The following DLG1 variants were observed in gnomAD, a reference collection of about 807,000 sequenced individuals.
DLG1 encodes the protein discs large MAGUK scaffold protein 1.
Under a neutral mutation model 123.4 loss-of-function variants are expected in DLG1, and 42 were observed. The observed-to-expected ratio is 0.34, with a 90% CI of 0.27 to 0.44. DLG1 has a LOEUF of 0.44. Among genes scored for constraint, DLG1 ranks in the 20% least tolerant of loss-of-function variants. The probability of loss-of-function intolerance (pLI) is 1.00; values close to 1 mark genes in which losing one functional copy is unlikely to be tolerated. For synonymous variants in DLG1, 317 were observed against 356.2 expected (o/e 0.89, Z 1.24); for missense variants, 942 against 1,082.6 (o/e 0.87, Z 1.82).
At chr3:197,258,433 C>CG (rs1001561125) in intron 4 of DLG1, among the ~76,000 whole-genome samples, 13 of 29,726 alleles carry the variant, frequency 4.4e-4, no homozygotes, top group Admixed American at 1.2e-3. Context: ...TATGGGGGGG[C>CG]GGGGGGGAAC....
chr3:197,112,392 C>T (rs1770566991), intron 13 of DLG1, among the ~76,000 whole-genome samples: 1 of 152,170 alleles, frequency 6.6e-6, no homozygotes, highest in Non-Finnish European at 1.5e-5. Flanking sequence ...ATGTTAAGCA[C>T]CTTTTCATGT....
chr3:197,176,977 ATTTT>A (rs1030281664), intron 5 of DLG1, among the ~76,000 whole-genome samples: 1 of 151,306 alleles, frequency 6.6e-6, no homozygotes, highest in African/African-American at 2.4e-5. Flanking sequence ...TTTTTATATT[ATTTT>A]TTATTTATTT....
chr3:197,072,592 CCT>C (rs1461027981), intron 18 of DLG1, among the ~76,000 whole-genome samples: 1 of 151,542 alleles, frequency 6.6e-6, no homozygotes, highest in Non-Finnish European at 1.5e-5. Context: ...TTTCTTATTA[CCT>C]GTTAAAAACT....
chr3:197,140,705 T>C (rs1209380017), intron 7 of DLG1, among the ~76,000 whole-genome samples: 1 of 152,190 alleles, frequency 6.6e-6, no homozygotes, highest in African/African-American at 2.4e-5. Context: ...TTTTAGCCTT[T>C]AAAAAAGGGG....
At chr3:197,050,634 A>G (rs988166954) in intron 24 of DLG1, among the ~76,000 whole-genome samples, 15 of 152,238 alleles carry the variant, frequency 9.9e-5, no homozygotes, top group Non-Finnish European at 2.1e-4. Context: ...TAGAACTCAT[A>G]GAAACAGAGA....
intron 3 of DLG1, among the ~76,000 whole-genome samples, chr3:197,285,933 A>C (rs920316075): frequency 6.6e-6 from 1 of 152,238 alleles, no homozygotes; most frequent in African/African-American, 2.4e-5. Flanking sequence ...ACAAACGCTC[A>C]CAGTAGCTTT....
chr3:197,078,745 T>C (rs1417978383), intron 17 of DLG1, among the ~76,000 whole-genome samples: 1 of 152,216 alleles, frequency 6.6e-6, no homozygotes, highest in East Asian at 1.9e-4. Context: ...AAAAACTAAA[T>C]CTTTTCGTTC....
chr3:197,136,502 T>C, intron 10 of DLG1, 40 bp downstream of exon 10: 1 of 1,553,954 alleles, frequency 6.4e-7, no homozygotes, highest in East Asian at 2.3e-5. Context: ...ATAAACAGAC[T>C]ACAAAATGAT....
chr3:197,134,866 C>G (rs1053180555), intron 10 of DLG1, among the ~76,000 whole-genome samples: 3 of 152,192 alleles, frequency 2.0e-5, no homozygotes, highest in Non-Finnish European at 2.9e-5. Context: ...TTGGGTAACA[C>G]AATCCAAAAG....
intron 4 of DLG1, among the ~76,000 whole-genome samples, chr3:197,275,038 T>C (rs1320123516): frequency 6.6e-6 from 1 of 151,990 alleles, no homozygotes; most frequent in East Asian, 1.9e-4. Context: ...TTTAAAAAAT[T>C]AGCCGGGCAT....
intron 14 of DLG1, among the ~76,000 whole-genome samples, chr3:197,093,924 C>CA (rs1209928136): frequency 6.6e-6 from 1 of 151,990 alleles, no homozygotes; most frequent in Non-Finnish European, 1.5e-5. Context: ...ATTTGTATGC[C>CA]AAAAAATGTG....
rs1351882810 is a variant in DLG1, at chr3:197,066,693, G to A, written c.2098+11C>T. ...CTAGAAGGTTATAAAACATCAATAG[G>A]CTTCACAAACCTTCTTGTTGATTCA... On this transcript the variant is annotated intron_variant, in intron 20 of 24. Coordinates refer to ENST00000667157, the MANE Select transcript of DLG1 (RefSeq NM_001366207.1). The A allele has an allele frequency of 1.3e-6, 2 of 1,582,994 alleles. No homozygotes were observed. The highest frequency in any genetic ancestry group is 1.1e-5 in the South Asian group (1 of 89,014).
At chr3:197,282,209 T>A (rs76616672) in intron 4 of DLG1, among the ~76,000 whole-genome samples, 8,725 of 152,288 alleles carry the variant, frequency 0.057, 328 homozygotes, top group Non-Finnish European at 0.084. Context: ...AGTGCTGATG[T>A]TCAGGTTTAC....
chr3:197,050,027 C>T (rs1318058213), intron 24 of DLG1, among the ~76,000 whole-genome samples: 1 of 152,112 alleles, frequency 6.6e-6, no homozygotes, highest in East Asian at 1.9e-4. Context: ...TGACACTGTA[C>T]TCCAGCCTGG....
chr3:197,101,327 CAT>C (rs1182320373), intron 14 of DLG1, among the ~76,000 whole-genome samples: 5 of 152,090 alleles, frequency 3.3e-5, no homozygotes. Flanking sequence ...AGTGAATAAA[CAT>C]AACATGGTTC....
At chr3:197,127,437 AAAAAAAAAAAAAAAAAAAAAATATATAT>A (rs1250993219) in intron 11 of DLG1, among the ~76,000 whole-genome samples, 1 of 43,748 alleles carries the variant, frequency 2.3e-5, no homozygotes, top group Non-Finnish European at 3.9e-5. Context: ...AAAAAAAAAA[AAAAAAAAAAAAAAAAAAAAAATATATAT>A]ATATATATAT....
At chr3:197,045,150 A>G (rs1481844697) in intron 24 of DLG1, among the ~76,000 whole-genome samples, 2 of 151,786 alleles carry the variant, frequency 1.3e-5, no homozygotes, top group African/African-American at 2.4e-5. Context: ...AAAAGAGCTG[A>G]TTACAGATTG....
intron 17 of DLG1, among the ~76,000 whole-genome samples, chr3:197,079,922 G>C (rs1272812355): frequency 1.3e-5 from 2 of 151,928 alleles, no homozygotes; most frequent in Non-Finnish European, 2.9e-5. Context: ...GAGATGTACA[G>C]AGTAAATTTA....
intron 3 of DLG1, among the ~76,000 whole-genome samples, chr3:197,293,320 T>C (rs1258694134): frequency 6.6e-6 from 1 of 152,220 alleles, no homozygotes; most frequent in African/African-American, 2.4e-5. Flanking sequence ...GTAAAAACTT[T>C]TCTGCTTTCA....
Sources: gnomAD v4.1 joint callset for allele counts (sites outside exome capture counted in the v4.1 genomes callset) on GRCh38, gnomAD v4.1.1 for gene constraint, MANE v1.5 for transcripts, NCBI Gene and HGNC (gene_info 2026-07-23, HGNC 2026-07-21) for gene names.